The following ELMOD3 variants were observed in gnomAD, a reference collection of about 807,000 sequenced individuals.
ELMOD3 encodes ELMO domain-containing protein 3.
In ELMOD3, 36 loss-of-function variants were observed where a neutral mutation model predicts 47.4. The observed-to-expected ratio is 0.76, with a 90% confidence interval of 0.58 to 1.00. The LOEUF is 1.00. ELMOD3 is among the 50% of genes least tolerant of loss of function. The pLI is 0.00. For synonymous variants in ELMOD3, 149 were observed against 183.5 expected (o/e 0.81, Z 1.52); for missense variants, 404 against 463.8 (o/e 0.87, Z 1.18).
At chr2:85,361,652 G>A (rs529591960) in intron 4 of ELMOD3, among the ~76,000 whole-genome samples, 10 of 152,300 alleles carry the variant, frequency 6.6e-5, no homozygotes, top group South Asian at 2.1e-4. Flanking sequence ...AGGGTTGGCC[G>A]GGCCCGGTGG....
At chr2:85,375,726 C>G (rs1219400200) in intron 10 of ELMOD3, among the ~76,000 whole-genome samples, 2 of 152,202 alleles carry the variant, frequency 1.3e-5, no homozygotes, top group African/African-American at 4.8e-5. Context: ...TTATAGTTTT[C>G]TAGTTCAGAA....
chr2:85,377,225 C>A, intron 10 of ELMOD3, 119 bp from the exon 11 acceptor site: 1 of 889,938 alleles, frequency 1.1e-6, no homozygotes, highest in Non-Finnish European at 1.6e-6. Context: ...AGAAAGTGGA[C>A]GTGTGCTGCT....
In ELMOD3 at chr2:85,362,218, A is replaced by T. The variant is rs2104509654; in HGVS notation, c.87A>T (p.Ser29=). 1 of 1,607,810 alleles carries T rather than the reference A, an allele frequency of 6.2e-7. No homozygotes were observed. Among genetic ancestry groups the T allele is most frequent in the Middle Eastern group, 1.7e-4 (1 of 6,050 alleles). Reference sequence around the variant, plus strand: ...GATTGTCTGCTGGATATTCTCCATCATATGACAAGGACAAGAGTGTTCTGG... The same window carrying T: ...GATTGTCTGCTGGATATTCTCCATCTTATGACAAGGACAAGAGTGTTCTGG... ...GERLSAGYSP[S]YDKDKSVLAF... Residue 29 remains serine (S), a synonymous_variant, in exon 5 of 14, where the codon TCA becomes TCT. Transcript: ENST00000409013.
chr2:85,362,044 G>A, intron 4 of ELMOD3, 142 bp from the exon 5 acceptor site: 1 of 615,546 alleles, frequency 1.6e-6, no homozygotes, highest in African/African-American at 1.9e-5. Flanking sequence ...ACAAACCCCT[G>A]TGACCCAAGT....
At chr2:85,360,610 C>T (rs755345406) in intron 4 of ELMOD3, among the ~76,000 whole-genome samples, 3 of 152,024 alleles carry the variant, frequency 2.0e-5, no homozygotes, top group Non-Finnish European at 4.4e-5. Flanking sequence ...CTGCCTTGGT[C>T]TCCCAAAGTG....
In ELMOD3 at chr2:85,364,825, ATT is replaced by A. The variant is rs869054374; in HGVS notation, c.199+1681_199+1682del. 9.4e-3 allele frequency among the ~76,000 whole-genome samples: 653 copies of A among 69,672 alleles called. 3 individuals carry two copies. Among genetic ancestry groups the A allele is most frequent in the African/African-American group, 0.031 (458 of 14,788 alleles). The allele number at this position is 69,672 out of a possible 152,430, so 45.7% of individuals were successfully genotyped here. On this transcript the variant is annotated intron_variant, in intron 6 of 13. Coordinates refer to ENST00000409013, the MANE Select transcript of ELMOD3 (RefSeq NM_001135022.2). ...AATACATATATATATATATATATAT[ATT>A]TTTTTTTTTTTTTTTTTTTTTCTTT...
chr2:85,365,803 GT>G (rs1484429170), intron 6 of ELMOD3, among the ~76,000 whole-genome samples: 2 of 152,296 alleles, frequency 1.3e-5, no homozygotes, highest in Non-Finnish European at 2.9e-5. Context: ...GTAGGCGAGG[GT>G]GTATGGGGTT....
At chr2:85,364,825 A>ATATATATATTTTTTTTT (rs375582916) in intron 6 of ELMOD3, among the ~76,000 whole-genome samples, 3 of 69,890 alleles carry the variant, frequency 4.3e-5, no homozygotes, top group African/African-American at 2.0e-4. Flanking sequence ...ATATATATAT[A>ATATATATATTTTTTTTT]TTTTTTTTTT....
chr2:85,359,217 A>G (rs1173595706), intron 4 of ELMOD3, among the ~76,000 whole-genome samples: 1 of 152,208 alleles, frequency 6.6e-6, no homozygotes, highest in East Asian at 1.9e-4. Context: ...TCTGTTAGAT[A>G]AATTACTAGA....
chr2:85,359,528 C>G lies in ELMOD3; in HGVS notation c.54+2276C>G, dbSNP rs1045564745. On this transcript the variant is annotated intron_variant, in intron 4 of 13. Coordinates refer to ENST00000409013, the MANE Select transcript of ELMOD3 (RefSeq NM_001135022.2). ...GTTCAAATGATTCTCCTGCCTCAGC[C>G]TTTCGAGTAGCTGGGATCACAGGTG... Among the ~76,000 whole-genome samples, 30 of 151,752 alleles carry G rather than the reference C, an allele frequency of 2.0e-4. 1 individual carries two copies.
chr2:85,357,475 T>G (rs1241099706), intron 4 of ELMOD3: 2 of 389,662 alleles, frequency 5.1e-6, no homozygotes, highest in African/African-American at 4.2e-5. Flanking sequence ...TTTGCTTGGG[T>G]AGTGGGGAGA....
At chr2:85,364,825 A>ATATATATATATATATATTTTTTT (rs375582916) in intron 6 of ELMOD3, among the ~76,000 whole-genome samples, 2 of 69,892 alleles carry the variant, frequency 2.9e-5, no homozygotes, top group African/African-American at 1.3e-4. Context: ...ATATATATAT[A>ATATATATATATATATATTTTTTT]TTTTTTTTTT....
intron 11 of ELMOD3, among the ~76,000 whole-genome samples, chr2:85,380,214 CAGGT>C (rs1273142380): frequency 1.3e-5 from 2 of 152,142 alleles, no homozygotes; most frequent in Non-Finnish European, 2.9e-5. Context: ...CTGGAGAACT[CAGGT>C]AGAGAGAAAC....
chr2:85,373,885 C>T (rs1355962593), intron 10 of ELMOD3, among the ~76,000 whole-genome samples: 1 of 146,966 alleles, frequency 6.8e-6, no homozygotes, highest in Non-Finnish European at 1.5e-5. Flanking sequence ...ATTGTATTTA[C>T]TCTTTCCATT....
At chr2:85,368,317 A>G (rs1385183181) in intron 6 of ELMOD3, 1 of 219,236 alleles carries the variant, frequency 4.6e-6, no homozygotes, top group Non-Finnish European at 9.3e-6. Context: ...AGTTCCAGGT[A>G]CTCAGGAGGC....
chr2:85,363,046 A>G (rs1481832932), intron 5 of ELMOD3, 51 bp from the exon 6 acceptor site: 1 of 1,139,664 alleles, frequency 8.8e-7, no homozygotes, highest in Non-Finnish European at 1.3e-6. Context: ...GTTTGTGTAT[A>G]TGGGGGTATG....
chr2:85,355,262 G>A (rs1384089665), intron 2 of ELMOD3, 92 bp downstream of exon 2: 1 of 152,240 alleles, frequency 6.6e-6, no homozygotes, highest in South Asian at 2.1e-4. Flanking sequence ...GGTCCCTAAT[G>A]ACACCCCATC....
intron 6 of ELMOD3, among the ~76,000 whole-genome samples, chr2:85,365,922 C>T (rs1684349811): frequency 6.6e-6 from 1 of 152,014 alleles, no homozygotes; most frequent in Non-Finnish European, 1.5e-5. Flanking sequence ...TGTTCAGCTT[C>T]ATAATAAGCA....
At chr2:85,365,874 T>C (rs1422782141) in intron 6 of ELMOD3, among the ~76,000 whole-genome samples, 1 of 152,144 alleles carries the variant, frequency 6.6e-6, no homozygotes, top group Admixed American at 6.5e-5. Context: ...AATCAATAAA[T>C]CAATAAAGCT....
Sources: allele counts gnomAD v4.1 joint callset (sites outside exome capture counted in the v4.1 genomes callset), GRCh38; gene constraint gnomAD v4.1.1; transcripts MANE v1.5; gene names NCBI Gene and HGNC (gene_info 2026-07-23, HGNC 2026-07-21).